The following LRRK2 variants were observed in gnomAD, a reference collection of about 807,000 sequenced individuals.
LRRK2 encodes the protein leucine-rich repeat serine/threonine-protein kinase 2.
In LRRK2, 203 loss-of-function variants were observed where a neutral mutation model predicts 302.6. The observed-to-expected ratio is 0.67, with a 90% CI of 0.60 to 0.75. The LOEUF is 0.75. LRRK2 is among the 30% of genes least tolerant of loss of function. LRRK2 has a pLI of 0.00. For missense variants in LRRK2, 2,830 were observed against 2,951.0 expected (o/e 0.96, Z 0.95); for synonymous variants, 1,066 against 1,031.9 (o/e 1.03, Z -0.63).
intron 27 of LRRK2, chr12:40,305,104 C>G (rs1366093126): frequency 6.6e-6 from 1 of 152,130 alleles, no homozygotes; most frequent in Non-Finnish European, 1.5e-5. Flanking sequence ...GCTCCATTCT[C>G]TCTGTTGTAA....
chr12:40,301,545 C>G (rs1046027611), intron 25 of LRRK2, among the ~76,000 whole-genome samples: 1 of 152,120 alleles, frequency 6.6e-6, no homozygotes, highest in Non-Finnish European at 1.5e-5. Context: ...AGAATCATTT[C>G]GATTCATTTA....
At chr12:40,268,075 T>C (rs1943095882) in intron 14 of LRRK2, among the ~76,000 whole-genome samples, 1 of 152,194 alleles carries the variant, frequency 6.6e-6, no homozygotes, top group Admixed American at 6.6e-5. Context: ...AAAATCTCTG[T>C]CTAGAACAGC....
chr12:40,285,889 T>A (rs1164941432), intron 19 of LRRK2, among the ~76,000 whole-genome samples: 1 of 152,068 alleles, frequency 6.6e-6, no homozygotes, highest in African/African-American at 2.4e-5. Flanking sequence ...TTATAAAAGT[T>A]TGAATATGAA....
chr12:40,256,254 C>T (rs1447392067), intron 11 of LRRK2, among the ~76,000 whole-genome samples: 1 of 152,102 alleles, frequency 6.6e-6, no homozygotes, highest in Non-Finnish European at 1.5e-5. Context: ...CAAGACCAGG[C>T]TGGGCAACAT....
chr12:40,250,905 T>C (rs1326772656), intron 8 of LRRK2, among the ~76,000 whole-genome samples: 1 of 152,166 alleles, frequency 6.6e-6, no homozygotes, highest in Non-Finnish European at 1.5e-5. Context: ...ATCTAGTCTA[T>C]CATTGATGGG....
chr12:40,251,857 G>T (rs942492949), intron 10 of LRRK2, among the ~76,000 whole-genome samples: 57 of 152,094 alleles, frequency 3.7e-4, no homozygotes, highest in African/African-American at 1.3e-3. Context: ...ATTCATCTTG[G>T]GTGATAGAAA....
chr12:40,225,356 C>G lies in LRRK2; in HGVS notation c.151+74C>G, dbSNP rs1007294347. On this transcript the variant is annotated intron_variant, in intron 1 of 50. Coordinates refer to ENST00000298910, the MANE Select transcript of LRRK2 (RefSeq NM_198578.4). ...CCCTCCTTACATTTGCAAATTTTGT[C>G]CTCCTCCCCTTGACCCTGCTCAAAC... The G allele has an allele frequency of 3.2e-6, 5 of 1,547,908 alleles. No homozygotes were observed. The Admixed American group carries it at 9.0e-5, about 28-fold the overall frequency.
intron 48 of LRRK2, 76 bp from the exon 49 acceptor site, chr12:40,364,766 T>C (rs1444003809): frequency 5.2e-6 from 6 of 1,152,854 alleles, no homozygotes; most frequent in Admixed American, 1.9e-5. Context: ...TAAAATGTTG[T>C]TTATGTTATC....
intron 2 of LRRK2, among the ~76,000 whole-genome samples, chr12:40,228,236 A>ACCAGCATT (rs1940995565): frequency 6.6e-6 from 1 of 151,962 alleles, no homozygotes. Flanking sequence ...CTGCATCCTT[A>ACCAGCATT]CCAGCATTTG....
At chr12:40,294,996 A>G (rs565933980) in intron 22 of LRRK2, 82 bp downstream of exon 22, 2 of 846,376 alleles carry the variant, frequency 2.4e-6, no homozygotes, top group South Asian at 3.1e-5. Context: ...CAATTATTCA[A>G]ATATTCTTGG....
chr12:40,367,751 A>C lies in LRRK2; in HGVS notation c.7570A>C (p.Thr2524Pro). Residue 2524 changes from threonine (T) to proline (P), a missense_variant, in exon 51 of 51, where the codon ACA becomes CCA. Coordinates refer to ENST00000298910, the MANE Select transcript of LRRK2 (RefSeq NM_198578.4). ...AGAATTAGCTGAAAAAATGAGACGA[A>C]CATCTGTTGAGTAAGAGAGAAATAG... ...RKELAEKMRR[T>P]SVE The C allele has an allele frequency of 6.2e-7, 1 of 1,605,556 alleles. No individual in the cohort carries two copies. Among genetic ancestry groups the C allele is most frequent in the South Asian group, 1.1e-5 (1 of 90,222 alleles).
intron 23 of LRRK2, 150 bp from the exon 24 acceptor site, chr12:40,298,093 G>A (rs944088416): frequency 5.2e-5 from 38 of 727,630 alleles, no homozygotes; most frequent in Middle Eastern, 4.0e-4. Context: ...GGGCCAATTA[G>A]TATACTGAAA....
At chr12:40,294,117 CATCT>C (rs1050742977) in intron 21 of LRRK2, among the ~76,000 whole-genome samples, 4 of 142,308 alleles carry the variant, frequency 2.8e-5, no homozygotes, top group African/African-American at 7.8e-5. Flanking sequence ...ATTCATTGTT[CATCT>C]ATCTATCTAT....
chr12:40,277,923 A>G lies in LRRK2; in HGVS notation c.1977A>G (p.Ser659=). 6.2e-7 allele frequency: 1 copy of G among 1,611,890 alleles called. No homozygotes were observed. Among genetic ancestry groups the G allele is most frequent in the Non-Finnish European group, 8.5e-7 (1 of 1,179,666 alleles). The change falls in exon 17 of 51, where the codon TCA becomes TCG. Residue 659 remains serine (S), a synonymous_variant. Transcript: ENST00000298910. The part of the protein sequence containing the change: ...FQTILAILKL[S]ASFSKLLVHH... ...CAATCTTAGCAATCCTCAAATTGTC[A>G]GCATCTTTTTCTAAGCTGCTGGTGC...
rs1383482096 is a variant in LRRK2, at chr12:40,252,956, T to G, written c.1228T>G (p.Ser410Ala). The G allele has an allele frequency of 6.2e-7, 1 of 1,613,464 alleles. No individual in the cohort carries two copies. Among genetic ancestry groups the G allele is most frequent in the East Asian group, 2.2e-5 (1 of 44,774 alleles). Residue 410 changes from serine (S) to alanine (A), a missense_variant, in exon 11 of 51, where the codon TCA becomes GCA. Ser to Ala is a moderately conservative substitution (Grantham distance 99, BLOSUM62 1). Around this residue, in one of 3 missense-constraint regions of LRRK2, gnomAD observed 2,121 missense variants for 2,148.0 expected, o/e 0.99. Coordinates refer to ENST00000298910, the MANE Select transcript of LRRK2 (RefSeq NM_198578.4). ...GATGCTCTCCATGCTGATGCATTCT[T>G]CATCAAAGGAAGTTTTCCAGGCATC... The part of the protein sequence containing the change: ...EVMLSMLMHS[S>A]SKEVFQASAN...
rs781394575 is a variant in LRRK2, at chr12:40,225,268, C to T, written c.137C>T (p.Thr46Met). The change falls in exon 1 of 51, where the codon ACG (threonine) becomes ATG (methionine). Residue 46 changes from threonine (T) to methionine (M), a missense_variant. Transcript: ENST00000298910. ...VQILEDLLVF[T>M]YSERASKLFQ... Reference sequence around the variant, plus strand: ...ATCCTGGAGGATCTGCTGGTGTTCACGTACTCCGAGCGCGGTAATCACTTG... The same window carrying T: ...ATCCTGGAGGATCTGCTGGTGTTCATGTACTCCGAGCGCGGTAATCACTTG... 38 of 1,613,980 alleles carry T rather than the reference C, an allele frequency of 2.4e-5. No homozygotes were observed. The highest frequency in any genetic ancestry group is 1.6e-4 in the Middle Eastern group (1 of 6,082).
Position 40,308,547 on chromosome 12 carries a change from A to G in LRRK2, c.4040A>G (p.Lys1347Arg). Residue 1347 changes from lysine (K) to arginine (R), a missense_variant, in exon 29 of 51, where the codon AAA (lysine) becomes AGA (arginine). By Grantham distance (26) the Lys-to-Arg change is conservative. Coordinates refer to ENST00000298910, the MANE Select transcript of LRRK2 (RefSeq NM_198578.4). Reference sequence around the variant, plus strand: ...ATTGTGGGAAATACTGGGAGTGGTAAAACCACCTTATTGCAGCAATTAATG... The same window carrying G: ...ATTGTGGGAAATACTGGGAGTGGTAGAACCACCTTATTGCAGCAATTAATG... ...LMIVGNTGSG[K>R]TTLLQQLMKT... 1 of 1,614,034 alleles carries G rather than the reference A, an allele frequency of 6.2e-7. No individual in the cohort carries two copies. Among genetic ancestry groups the G allele is most frequent in the Non-Finnish European group, 8.5e-7 (1 of 1,179,956 alleles).
chr12:40,293,500 G>A, intron 20 of LRRK2, 45 bp from the exon 21 acceptor site: 1 of 1,233,892 alleles, frequency 8.1e-7, no homozygotes, highest in African/African-American at 1.5e-5. Flanking sequence ...GATTGAGTAA[G>A]CTTTTTGTAT....
intron 2 of LRRK2, among the ~76,000 whole-genome samples, chr12:40,229,010 T>C (rs867328455): frequency 1.3e-5 from 2 of 152,312 alleles, no homozygotes; most frequent in Middle Eastern, 3.4e-3. Flanking sequence ...TTCGCAAGCT[T>C]TTTGTGCAAG....
Sources: allele counts gnomAD v4.1 joint callset (sites outside exome capture counted in the v4.1 genomes callset), GRCh38; gene constraint gnomAD v4.1.1; regional missense constraint gnomAD v4.1.1; transcripts MANE v1.5; gene names NCBI Gene and HGNC (gene_info 2026-07-23, HGNC 2026-07-21).